PTPN3: variants seen among roughly 807,000 people sequenced by gnomAD.
PTPN3 encodes the protein tyrosine-protein phosphatase non-receptor type 3.
Under a neutral mutation model 132.7 loss-of-function variants are expected in PTPN3, and 96 were observed. That is an observed-to-expected ratio of 0.72 (90% confidence interval 0.61 to 0.86). The LOEUF is 0.86. PTPN3 is among the 40% of genes least tolerant of loss of function. The probability of loss-of-function intolerance (pLI) is 0.00; values close to 1 mark genes in which losing one functional copy is unlikely to be tolerated. For synonymous variants in PTPN3, 398 were observed against 429.0 expected (o/e 0.93, Z 0.89); for missense variants, 1,125 against 1,159.6 (o/e 0.97, Z 0.43).
intron 10 of PTPN3, among the ~76,000 whole-genome samples, chr9:109,432,226 C>A (rs1311007751): frequency 6.6e-6 from 1 of 151,850 alleles, no homozygotes; most frequent in East Asian, 1.9e-4. Flanking sequence ...ATTCTATGCT[C>A]CCAAGTTGGG....
intron 2 of PTPN3, among the ~76,000 whole-genome samples, chr9:109,461,680 C>T (rs1454042582): frequency 6.6e-6 from 1 of 151,766 alleles, no homozygotes; most frequent in Non-Finnish European, 1.5e-5. Flanking sequence ...TTGCTTAAGC[C>T]CAGGAGGTTG....
At position 109,438,173 on chromosome 9, in the gene PTPN3, A is replaced by C; in HGVS notation, c.528T>G (p.Phe176Leu). The C allele has an allele frequency of 2.5e-6, 4 of 1,613,892 alleles. No homozygotes were observed. The highest frequency in any genetic ancestry group is 3.4e-6 in the Non-Finnish European group (4 of 1,179,726). ...AAAAGTCCTCATTTTGATCGGGTAT[A>C]AAGTGACTATCGGAAAGATAGCCTG... is the stretch of plus-strand genomic sequence containing the variant. ...HHPGYLSDSH[F>L]IPDQNEDFLT... Residue 176 changes from phenylalanine (F) to leucine (L), a missense_variant, in exon 8 of 26, where the codon TTT becomes TTG. Coordinates refer to ENST00000374541, the MANE Select transcript of PTPN3 (RefSeq NM_002829.4).
intron 19 of PTPN3, among the ~76,000 whole-genome samples, chr9:109,397,350 T>C (rs1402500469): frequency 6.6e-6 from 1 of 152,248 alleles, no homozygotes; most frequent in East Asian, 1.9e-4. Context: ...TGGGATCTGC[T>C]GCTTTCAAAA....
chr9:109,455,594 G>A (rs148998662), intron 4 of PTPN3, among the ~76,000 whole-genome samples: 18 of 152,314 alleles, frequency 1.2e-4, no homozygotes, highest in Admixed American at 2.0e-4. Context: ...AGGTACCAGC[G>A]GATGGCGCTA....
intron 16 of PTPN3, among the ~76,000 whole-genome samples, chr9:109,409,498 C>G (rs1841896803): frequency 6.6e-6 from 1 of 152,086 alleles, no homozygotes; most frequent in Non-Finnish European, 1.5e-5. Context: ...AGGCACTTGG[C>G]CTTCGGCAGC....
intron 19 of PTPN3, 28 bp downstream of exon 19, chr9:109,404,420 G>A: frequency 7.3e-7 from 1 of 1,364,784 alleles, no homozygotes; most frequent in Non-Finnish European, 9.7e-7. Context: ...CGACATGGCA[G>A]TGGGATTCAG....
chr9:109,408,790 A>ATATATATATAT lies in PTPN3; in HGVS notation c.1579-414_1579-413insATATATATATA, dbSNP rs1293697190. On this transcript the variant is annotated intron_variant, in intron 16 of 25. Coordinates refer to ENST00000374541, the MANE Select transcript of PTPN3 (RefSeq NM_002829.4). The stretch of plus-strand genomic sequence containing the variant: ...TAGAACTTATAATAATTAAAAAAAA[A>ATATATATATAT]AAAAAAATATATATATATATATATA... Among the ~76,000 whole-genome samples, 321 of 59,154 alleles carry ATATATATATAT rather than the reference A, an allele frequency of 5.4e-3. 2 individuals are homozygous for ATATATATATAT. Among genetic ancestry groups the ATATATATATAT allele is most frequent in the South Asian group, 0.011 (18 of 1,690 alleles). The allele number at this position is 59,154 out of a possible 152,430, so 38.8% of individuals were successfully genotyped here. A position where few individuals can be genotyped will look rare whatever the true frequency, so the allele number is the denominator to read the frequency against.
chr9:109,491,961 G>A (rs377156091), intron 1 of PTPN3, among the ~76,000 whole-genome samples: 23 of 152,362 alleles, frequency 1.5e-4, no homozygotes, highest in East Asian at 7.7e-4. Context: ...TCCACTGGAA[G>A]CAGGAGAGGG....
At chr9:109,395,691 G>A (rs1840518432) in intron 19 of PTPN3, among the ~76,000 whole-genome samples, 2 of 152,070 alleles carry the variant, frequency 1.3e-5, no homozygotes, top group South Asian at 4.2e-4. Flanking sequence ...GGAGGCTGAG[G>A]TGGGAGGATT....
At chr9:109,461,087 TG>T (rs1845825097) in intron 2 of PTPN3, among the ~76,000 whole-genome samples, 1 of 152,234 alleles carries the variant, frequency 6.6e-6, no homozygotes, top group South Asian at 2.1e-4. Context: ...GTGACCTTCA[TG>T]GAGCTTGTGT....
chr9:109,537,824 C>T, the PTPN3 span, among the ~76,000 whole-genome samples: 1 of 152,172 alleles, frequency 6.6e-6, no homozygotes, highest in African/African-American at 2.4e-5. Flanking sequence ...TCTATTTGTT[C>T]AGGTTGAGAG....
intron 2 of PTPN3, among the ~76,000 whole-genome samples, chr9:109,460,571 G>A (rs1470763777): frequency 6.6e-6 from 1 of 151,664 alleles, no homozygotes; most frequent in Non-Finnish European, 1.5e-5. Flanking sequence ...ACTGTGTTCT[G>A]CAACCAAAGG....
chr9:109,516,981 T>A, the PTPN3 span, among the ~76,000 whole-genome samples: 333 of 152,236 alleles, frequency 2.2e-3, 1 homozygote, highest in African/African-American at 7.4e-3. Context: ...GAGGGAACTG[T>A]GGGGCCTCCA....
At chr9:109,495,123 C>A (rs117467199) in intron 1 of PTPN3, among the ~76,000 whole-genome samples, 4 of 152,184 alleles carry the variant, frequency 2.6e-5, no homozygotes, top group Non-Finnish European at 4.4e-5. Flanking sequence ...CTGACCTGGT[C>A]TCCTCCTGTC....
intron 6 of PTPN3, among the ~76,000 whole-genome samples, chr9:109,446,855 C>T (rs1201496056): frequency 6.6e-6 from 1 of 152,214 alleles, no homozygotes; most frequent in Admixed American, 6.5e-5. Flanking sequence ...TCAGGGTCTT[C>T]ACCTGCTGAG....
intron 7 of PTPN3, among the ~76,000 whole-genome samples, chr9:109,442,830 T>C (rs1844585128): frequency 6.6e-6 from 1 of 152,102 alleles, no homozygotes; most frequent in Admixed American, 6.5e-5. Flanking sequence ...AAGCTCAAAG[T>C]CGGGCAGGTA....
chr9:109,471,796 G>T (rs879362449), intron 1 of PTPN3, among the ~76,000 whole-genome samples: 4 of 151,860 alleles, frequency 2.6e-5, no homozygotes, highest in Non-Finnish European at 5.9e-5. Context: ...GTATACCAAC[G>T]CACCCAGCTT....
At chr9:109,412,942 A>AT (rs34903384) in intron 14 of PTPN3, among the ~76,000 whole-genome samples, 8,264 of 139,978 alleles carry the variant, frequency 0.059, 798 homozygotes, top group African/African-American at 0.2. Flanking sequence ...GCCCTAACCT[A>AT]TTTTTTTTTT....
the PTPN3 span, among the ~76,000 whole-genome samples, chr9:109,509,964 T>C: frequency 6.6e-6 from 1 of 152,082 alleles, no homozygotes; most frequent in East Asian, 1.9e-4. Context: ...CCAGCCCGGC[T>C]CTCTTTTGTA....
Sources: allele counts gnomAD v4.1 joint callset (sites outside exome capture counted in the v4.1 genomes callset), GRCh38; gene constraint gnomAD v4.1.1; transcripts MANE v1.5; gene names NCBI Gene and HGNC (gene_info 2026-07-23, HGNC 2026-07-21).